Variants in ABHD6 observed in about 807,000 individuals in gnomAD.
ABHD6 encodes abhydrolase domain containing 6, acylglycerol lipase.
A neutral mutation model predicts 38.8 loss-of-function variants in ABHD6; 33 were observed. That is an observed-to-expected ratio of 0.85 (90% CI 0.64 to 1.14). The LOEUF is 1.14. Among genes scored for constraint, ABHD6 ranks in the 50% most tolerant of loss-of-function variants. The pLI is 0.00. For synonymous variants in ABHD6, 147 were observed against 161.6 expected (o/e 0.91, Z 0.69); for missense variants, 380 against 422.6 (o/e 0.90, Z 0.88).
At position 58,256,489 on chromosome 3, in the gene ABHD6, G is replaced by C. The variant is rs1028271071; in HGVS notation, c.-25-73G>C. 3.9e-5 allele frequency: 34 copies of C among 868,928 alleles called. No individual in the cohort carries two copies. The highest frequency in any genetic ancestry group is 5.4e-5 in the Non-Finnish European group (30 of 554,378). The allele number at this position is 868,928 out of a possible 1,614,324, so 53.8% of individuals were successfully genotyped here. Reference sequence around the variant, plus strand: ...TCACTCTGGGAACTTCACTTTTCTTGTCCCCTTTACTTCTTCGCCTTTTTT... The same window carrying C: ...TCACTCTGGGAACTTCACTTTTCTTCTCCCCTTTACTTCTTCGCCTTTTTT... On this transcript the variant is annotated intron_variant, in intron 2 of 9. Transcript: ENST00000478253. The surrounding 1 kb of genome is among the most constrained non-coding windows in gnomAD (Gnocchi z 4.3).
At chr3:58,262,379 G>A (rs377025423) in intron 3 of ABHD6, among the ~76,000 whole-genome samples, 14 of 152,142 alleles carry the variant, frequency 9.2e-5, no homozygotes, top group Non-Finnish European at 1.3e-4. Flanking sequence ...AGAAGTTCCC[G>A]TTAACTAGAC....
At chr3:58,274,871 A>G (rs1226572651) in intron 7 of ABHD6, 56 bp downstream of exon 7, 2 of 1,572,594 alleles carry the variant, frequency 1.3e-6, no homozygotes, top group African/African-American at 1.4e-5. Context: ...GGGGGCGAGT[A>G]CCAGCTTCCT....
intron 9 of ABHD6, among the ~76,000 whole-genome samples, chr3:58,286,438 GAGCCAACATGCTTGGCCTAAATTTTTTA>G (rs2097457052): frequency 6.6e-6 from 1 of 152,022 alleles, no homozygotes; most frequent in Non-Finnish European, 1.5e-5. Context: ...TTACAAGCAT[GAGCCAACATGCTTGGCCTAAATTTTTTA>G]AGCCAGAAGT....
chr3:58,256,788 C>A lies in ABHD6; in HGVS notation c.119+83C>A. On this transcript the variant is annotated intron_variant, in intron 3 of 9. Coordinates refer to ENST00000478253, the MANE Select transcript of ABHD6 (RefSeq NM_001320126.2). This position sits in a 1 kb window ranked among gnomAD's most constrained non-coding sequence, Gnocchi z 4.3. ...GCTTGTCCTTTTTGTGGTTATTGTC[C>A]AACATTTTATCAGGAAGTATTTCAG... 2 of 1,135,534 alleles carry A rather than the reference C, an allele frequency of 1.8e-6. No homozygotes were observed. The highest frequency in any genetic ancestry group is 2.6e-6 in the Non-Finnish European group (2 of 774,834). The allele number at this position is 1,135,534 out of a possible 1,614,324, so 70.3% of individuals were successfully genotyped here.
At chr3:58,264,387 G>GCGCA (rs1394136993) in intron 3 of ABHD6, among the ~76,000 whole-genome samples, 35 of 132,322 alleles carry the variant, frequency 2.6e-4, no homozygotes, top group South Asian at 4.9e-4. Context: ...TTATATAAAC[G>GCGCA]CACACACACA....
At chr3:58,271,724 T>A (rs2097444992) in intron 6 of ABHD6, among the ~76,000 whole-genome samples, 1 of 148,896 alleles carries the variant, frequency 6.7e-6, no homozygotes, top group Non-Finnish European at 1.5e-5. Flanking sequence ...ATATAATAGA[T>A]AAAAATCATA....
At chr3:58,277,296 A>G (rs959702793) in intron 7 of ABHD6, among the ~76,000 whole-genome samples, 2 of 152,144 alleles carry the variant, frequency 1.3e-5, no homozygotes, top group African/African-American at 4.8e-5. Flanking sequence ...TTCGTTGAGC[A>G]GTGGTTTGTA....
intron 3 of ABHD6, among the ~76,000 whole-genome samples, chr3:58,258,956 CAGG>C (rs2097435154): frequency 6.6e-6 from 1 of 152,204 alleles, no homozygotes; most frequent in Non-Finnish European, 1.5e-5. Flanking sequence ...GTGCTGGTAG[CAGG>C]AGTTCTGTGC....
intron 1 of ABHD6, among the ~76,000 whole-genome samples, chr3:58,245,377 G>A (rs1360182934): frequency 1.3e-5 from 2 of 152,026 alleles, no homozygotes; most frequent in Non-Finnish European, 2.9e-5. Flanking sequence ...TGTTGGCCAG[G>A]CTGGTCTCGA....
In ABHD6 at chr3:58,269,789, C is replaced by T. The variant is rs2097443517; in HGVS notation, c.390+355C>T. On this transcript the variant is annotated intron_variant, in intron 5 of 9. Transcript: ENST00000478253. The surrounding 1 kb of genome is among the most constrained non-coding windows in gnomAD (Gnocchi z 4.4). ...TAACAGTAATAGCCCCTCTGCCTAG[C>T]TGGGGAGGGTGTTCTTCACATTATA... Among the ~76,000 whole-genome samples the T allele has an allele frequency of 6.6e-6, 1 of 152,192 alleles. No homozygotes were observed. The highest frequency in any genetic ancestry group is 2.1e-4 in the South Asian group (1 of 4,822).
At chr3:58,279,507 G>A (rs1347313150) in intron 7 of ABHD6, among the ~76,000 whole-genome samples, 2 of 152,086 alleles carry the variant, frequency 1.3e-5, no homozygotes, top group African/African-American at 2.4e-5. Flanking sequence ...CATGTGAGAT[G>A]GGTCTCCTGA....
intron 9 of ABHD6, among the ~76,000 whole-genome samples, chr3:58,290,206 T>C (rs6773228): frequency 0.65 from 26,212 of 40,250 alleles, 8,414 homozygotes; most frequent in East Asian, 0.9. Flanking sequence ...GGCGGCTGGC[T>C]GGGCAGAGGG....
In ABHD6 at chr3:58,265,204, T is replaced by C. The variant is rs2097440098; in HGVS notation, c.120-1985T>C. The stretch of plus-strand genomic sequence containing the variant: ...CTTAACATAATGATCTCCAGTTCCA[T>C]CCATGTTGGTGCACTATTCATATTT... On this transcript the variant is annotated intron_variant, in intron 3 of 9. Transcript: ENST00000478253. This position sits in a 1 kb window ranked among gnomAD's most constrained non-coding sequence, Gnocchi z 4.2. Among the ~76,000 whole-genome samples the C allele has an allele frequency of 6.6e-6, 1 of 152,224 alleles. No homozygotes were observed. The highest frequency in any genetic ancestry group is 2.4e-5 in the African/African-American group (1 of 41,462).
At position 58,273,238 on chromosome 3, in the gene ABHD6, T is replaced by C. The variant is rs1337218845; in HGVS notation, c.524-1420T>C. The stretch of plus-strand genomic sequence containing the variant: ...GCATCACGACCAATATTATTGATGC[T>C]ACTGCCTTTCATTATAAAATCTAGC... On this transcript the variant is annotated intron_variant, in intron 6 of 9. Coordinates refer to ENST00000478253, the MANE Select transcript of ABHD6 (RefSeq NM_001320126.2). The surrounding 1 kb of genome is among the most constrained non-coding windows in gnomAD (Gnocchi z 4.8). Among the ~76,000 whole-genome samples the C allele has an allele frequency of 6.6e-6, 1 of 152,154 alleles. No homozygotes were observed. The highest frequency in any genetic ancestry group is 1.5e-5 in the Non-Finnish European group (1 of 68,020).
chr3:58,290,126 C>T (rs1232464977), intron 9 of ABHD6, among the ~76,000 whole-genome samples: 2 of 116,218 alleles, frequency 1.7e-5, no homozygotes, highest in African/African-American at 3.8e-5. Flanking sequence ...CGGGCAGAGG[C>T]GCCCCTCACC....
chr3:58,283,267 C>T lies in ABHD6; in HGVS notation c.682-1818C>T, dbSNP rs2097454614. Among the ~76,000 whole-genome samples, 3 of 152,098 alleles carry T rather than the reference C, an allele frequency of 2.0e-5. 1 individual carries two copies. The highest frequency in any genetic ancestry group is 2.0e-4 in the Admixed American group (3 of 15,268). The stretch of plus-strand genomic sequence containing the variant: ...TGATCTCTTCCCAGAATAGAGTGGC[C>T]AAATGATGTTTTAGAAAACTCCATG... On this transcript the variant is annotated intron_variant, in intron 7 of 9. Coordinates refer to ENST00000478253, the MANE Select transcript of ABHD6 (RefSeq NM_001320126.2).
rs910355589 is a variant in ABHD6, at chr3:58,259,100, G to A, written c.119+2395G>A. On this transcript the variant is annotated intron_variant, in intron 3 of 9. Coordinates refer to ENST00000478253, the MANE Select transcript of ABHD6 (RefSeq NM_001320126.2). This position sits in a 1 kb window ranked among gnomAD's most constrained non-coding sequence, Gnocchi z 4.7. ...CCGTTTTTATTAACGACATGAAATT[G>A]AAGGAGAGAACACAATTCACTGATG... 2.6e-5 allele frequency among the ~76,000 whole-genome samples: 4 copies of A among 152,144 alleles called. No individual in the cohort carries two copies. The highest frequency in any genetic ancestry group is 5.9e-5 in the Non-Finnish European group (4 of 68,026).
At chr3:58,286,912 T>C (rs9848072) in intron 9 of ABHD6, among the ~76,000 whole-genome samples, 94,216 of 123,516 alleles carry the variant, frequency 0.76, 36,961 homozygotes, top group East Asian at 1. Context: ...TCATTTTATA[T>C]CAGCCCAAAC....
chr3:58,258,401 A>G (rs779174652), intron 3 of ABHD6: 8 of 436,084 alleles, frequency 1.8e-5, no homozygotes, highest in Non-Finnish European at 3.3e-5. Flanking sequence ...TTTGTTACAA[A>G]GCATGAGCAG....
Sources: gnomAD v4.1 joint callset for allele counts (sites outside exome capture counted in the v4.1 genomes callset) on GRCh38, gnomAD v4.1.1 for gene constraint, Gnocchi (gnomAD v3.1) non-coding constraint, MANE v1.5 for transcripts, NCBI Gene and HGNC (gene_info 2026-07-23, HGNC 2026-07-21) for gene names.